LYPD6: variants seen among roughly 807,000 people sequenced by gnomAD.
LYPD6 encodes the protein ly6/PLAUR domain-containing protein 6.
LYPD6 carries 15 observed loss-of-function variants against 22.7 expected under a neutral mutation model. The observed-to-expected ratio is 0.66, with a 90% CI of 0.44 to 1.02. The LOEUF (loss-of-function observed/expected upper bound fraction) is 1.02. LYPD6 is among the 50% of genes least tolerant of loss of function. The pLI, the probability that LYPD6 is intolerant of heterozygous loss-of-function variation, is 0.00. For missense variants in LYPD6, 189 were observed against 208.4 expected (o/e 0.91, Z 0.57); for synonymous variants, 72 against 77.5 (o/e 0.93, Z 0.37).
chr2:149,371,931 C>T (rs560284872), intron 1 of LYPD6, among the ~76,000 whole-genome samples: 2 of 152,188 alleles, frequency 1.3e-5, no homozygotes, highest in African/African-American at 4.8e-5. Flanking sequence ...AAAACAAGTC[C>T]TTAAGCCCTT....
At chr2:149,370,958 G>A (rs949872750) in intron 1 of LYPD6, among the ~76,000 whole-genome samples, 22 of 152,166 alleles carry the variant, frequency 1.4e-4, no homozygotes, top group Non-Finnish European at 2.8e-4. Context: ...GTAAGACCCT[G>A]TCTCTTAAAA....
rs1270417130 is a variant in LYPD6, at chr2:149,472,668, G to A, written c.*1818G>A. 2 of 152,612 alleles carry A rather than the reference G, an allele frequency of 1.3e-5. No individual in the cohort carries two copies. Among genetic ancestry groups the A allele is most frequent in the East Asian group, 1.9e-4 (1 of 5,196 alleles). 9.5% of individuals were successfully genotyped at this position (152,612 alleles called of 1,614,324 possible). Reference sequence around the variant, plus strand: ...AAGCAAGACATTTATTAAGCACCTCGTATGTGCCAGGCACTATGCTAAGCA... The same window carrying A: ...AAGCAAGACATTTATTAAGCACCTCATATGTGCCAGGCACTATGCTAAGCA... On this transcript the variant is annotated 3_prime_UTR_variant, in exon 5 of 5. Coordinates refer to ENST00000334166, the MANE Select transcript of LYPD6 (RefSeq NM_194317.5).
intron 1 of LYPD6, among the ~76,000 whole-genome samples, chr2:149,394,345 T>C (rs1682379934): frequency 6.6e-6 from 1 of 152,064 alleles, no homozygotes; most frequent in African/African-American, 2.4e-5. Flanking sequence ...CCTCTGAAAA[T>C]AGTAGTAAAA....
At chr2:149,404,492 G>T (rs1016435941) in intron 1 of LYPD6, among the ~76,000 whole-genome samples, 2 of 152,174 alleles carry the variant, frequency 1.3e-5, no homozygotes, top group African/African-American at 4.8e-5. Flanking sequence ...TCTCTTTGAA[G>T]CAGTTGTGAA....
chr2:149,336,904 A>G (rs1681044529), intron 1 of LYPD6, among the ~76,000 whole-genome samples: 1 of 149,944 alleles, frequency 6.7e-6, no homozygotes, highest in African/African-American at 2.5e-5. Flanking sequence ...TTCCCCATGT[A>G]AAAAGGGCAG....
At position 149,468,879 on chromosome 2, in the gene LYPD6, T is replaced by G. The variant is rs1248777502; in HGVS notation, c.348+104T>G. 5 of 1,235,690 alleles carry G rather than the reference T, an allele frequency of 4.0e-6. No homozygotes were observed. The Admixed American group carries it at 1.0e-4, about 26-fold the overall frequency. 76.5% of individuals were successfully genotyped at this position (1,235,690 alleles called of 1,614,324 possible). On this transcript the variant is annotated intron_variant, in intron 4 of 4. Coordinates refer to ENST00000334166, the MANE Select transcript of LYPD6 (RefSeq NM_194317.5). ...GATTCTTACTCCCCCGTGAAGGCTG[T>G]CTTTTGATTGTCTTTATGCTCTATG... is the stretch of plus-strand genomic sequence containing the variant.
chr2:149,385,718 G>C (rs372899577), intron 1 of LYPD6, among the ~76,000 whole-genome samples: 1 of 152,186 alleles, frequency 6.6e-6, no homozygotes, highest in African/African-American at 2.4e-5. Context: ...TATGGCAAAG[G>C]GGGAGGGGAA....
intron 1 of LYPD6, among the ~76,000 whole-genome samples, chr2:149,395,902 C>G (rs1359041670): frequency 6.6e-6 from 1 of 152,166 alleles, no homozygotes; most frequent in Non-Finnish European, 1.5e-5. Flanking sequence ...TTGTTGCTCT[C>G]ATGAATGATG....
intron 1 of LYPD6, among the ~76,000 whole-genome samples, chr2:149,416,470 C>G (rs1682964469): frequency 6.6e-6 from 1 of 152,172 alleles, no homozygotes; most frequent in Admixed American, 6.5e-5. Flanking sequence ...AACAGCCCTG[C>G]CTCTTCCTGC....
At chr2:149,446,435 A>T (rs1158055566) in intron 2 of LYPD6, among the ~76,000 whole-genome samples, 2 of 152,224 alleles carry the variant, frequency 1.3e-5, no homozygotes, top group African/African-American at 4.8e-5. Context: ...ACAACAAGGT[A>T]CACCTGCCCT....
chr2:149,383,460 T>C (rs1410020001), intron 1 of LYPD6, among the ~76,000 whole-genome samples: 1 of 152,136 alleles, frequency 6.6e-6, no homozygotes, highest in Non-Finnish European at 1.5e-5. Context: ...TCAACATCTG[T>C]TTAACATCAG....
chr2:149,481,495 T>C, the LYPD6 span, among the ~76,000 whole-genome samples: 1 of 152,180 alleles, frequency 6.6e-6, no homozygotes, highest in Non-Finnish European at 1.5e-5. Context: ...AGAAACACTG[T>C]TATGAACAAA....
intron 1 of LYPD6, among the ~76,000 whole-genome samples, chr2:149,398,222 A>G (rs370693881): frequency 3.9e-5 from 6 of 152,168 alleles, no homozygotes; most frequent in African/African-American, 1.4e-4. Flanking sequence ...TTAAAAAAGC[A>G]GGGATTTTTT....
At chr2:149,417,502 A>ATT (rs1682990304) in intron 1 of LYPD6, among the ~76,000 whole-genome samples, 2 of 152,222 alleles carry the variant, frequency 1.3e-5, no homozygotes, top group African/African-American at 4.8e-5. Flanking sequence ...AGGGGAAGTG[A>ATT]TTTGAAGAGT....
At chr2:149,452,481 G>A (rs1680857061) in intron 3 of LYPD6, among the ~76,000 whole-genome samples, 1 of 152,148 alleles carries the variant, frequency 6.6e-6, no homozygotes, top group African/African-American at 2.4e-5. Flanking sequence ...GCAGCTCTAG[G>A]ACTACCAATG....
chr2:149,419,006 A>G (rs1188942736), intron 1 of LYPD6, among the ~76,000 whole-genome samples: 3 of 152,248 alleles, frequency 2.0e-5, no homozygotes, highest in African/African-American at 4.8e-5. Flanking sequence ...ATAGGTGACA[A>G]TTGATCTTCC....
At chr2:149,464,357 T>C (rs541196715) in intron 3 of LYPD6, 1 of 276,618 alleles carries the variant, frequency 3.6e-6, no homozygotes, top group African/African-American at 2.3e-5. Context: ...GGAAAAAATA[T>C]GCAGACCATG....
chr2:149,347,121 G>C (rs939263421), intron 1 of LYPD6, among the ~76,000 whole-genome samples: 3 of 152,036 alleles, frequency 2.0e-5, no homozygotes, highest in Admixed American at 6.6e-5. Context: ...ACATGGGGTG[G>C]GGTTGGAGGG....
intron 1 of LYPD6, among the ~76,000 whole-genome samples, chr2:149,372,583 G>T (rs1212398797): frequency 1.3e-5 from 2 of 152,202 alleles, no homozygotes; most frequent in Non-Finnish European, 2.9e-5. Flanking sequence ...GATGACTCCA[G>T]GATTTCACTG....
Sources: allele counts gnomAD v4.1 joint callset (sites outside exome capture counted in the v4.1 genomes callset), GRCh38; gene constraint gnomAD v4.1.1; transcripts MANE v1.5; gene names NCBI Gene and HGNC (gene_info 2026-07-23, HGNC 2026-07-21).